SCAPER: variants seen among roughly 807,000 people sequenced by gnomAD.
SCAPER encodes the protein S-phase cyclin A associated protein in the ER.
A neutral mutation model predicts 182.2 loss-of-function variants in SCAPER; 98 were observed. The observed-to-expected ratio is 0.54, with a 90% CI of 0.46 to 0.64. SCAPER has a LOEUF of 0.64. SCAPER is among the 30% of genes least tolerant of loss of function. The pLI is 0.00. For missense variants in SCAPER, 1,432 were observed against 1,690.0 expected (o/e 0.85, Z 2.68); for synonymous variants, 605 against 564.6 (o/e 1.07, Z -1.01).
At chr15:76,349,341 G>A (rs566505548) in intron 31 of SCAPER, 1 of 152,094 alleles carries the variant, frequency 6.6e-6, no homozygotes, top group South Asian at 2.1e-4. Context: ...AAACATGAAT[G>A]TAGTTTTAAG....
chr15:76,548,145 T>C (rs1416344069), intron 23 of SCAPER, among the ~76,000 whole-genome samples: 1 of 152,078 alleles, frequency 6.6e-6, no homozygotes, highest in Non-Finnish European at 1.5e-5. Context: ...AGCTTGCTGC[T>C]AGCGCTCATT....
intron 27 of SCAPER, among the ~76,000 whole-genome samples, chr15:76,396,365 C>T (rs2044056232): frequency 6.6e-6 from 1 of 152,092 alleles, no homozygotes; most frequent in Non-Finnish European, 1.5e-5. Context: ...TGAAGAATGT[C>T]ATCAATGTTT....
intron 25 of SCAPER, among the ~76,000 whole-genome samples, chr15:76,434,893 T>C (rs771139899): frequency 7.9e-5 from 12 of 152,226 alleles, no homozygotes; most frequent in Non-Finnish European, 2.9e-5. Flanking sequence ...CTGCAGTGTA[T>C]GATCTGAGAC....
rs752296614 is a variant in SCAPER at position 76,404,656 on chromosome 15, A to G, written c.3335T>C (p.Ile1112Thr). The G allele has an allele frequency of 6.2e-7, 1 of 1,612,710 alleles. No homozygotes were observed. The highest frequency in any genetic ancestry group is 1.3e-5 in the African/African-American group (1 of 74,904). Residue 1112 changes from isoleucine (I) to threonine (T), a missense_variant, in exon 27 of 32, where the codon ATT (isoleucine) becomes ACT (threonine). Ile to Thr is a moderately conservative substitution (Grantham distance 89). Transcript: ENST00000563290. ...GAGGAAGCAGGCACACAGTTTGTCA[A>G]TCAGACCCATGTTCACCACGTAGCT... ...LISYVVNMGL[I>T]DKLCACFLSV...
chr15:76,843,040 G>A (rs924317044), intron 4 of SCAPER, among the ~76,000 whole-genome samples: 2 of 152,066 alleles, frequency 1.3e-5, no homozygotes, highest in African/African-American at 4.8e-5. Flanking sequence ...GAATCCAGAC[G>A]CTAATCTTAT....
chr15:76,789,852 G>A (rs1433855765), intron 8 of SCAPER, among the ~76,000 whole-genome samples: 1 of 152,262 alleles, frequency 6.6e-6, no homozygotes, highest in East Asian at 1.9e-4. Context: ...AGTAACTGAT[G>A]TGCACCTGGA....
intron 21 of SCAPER, among the ~76,000 whole-genome samples, chr15:76,663,581 A>G (rs1260229332): frequency 1.3e-5 from 2 of 152,152 alleles, no homozygotes; most frequent in Non-Finnish European, 2.9e-5. Flanking sequence ...CAAAAACAGT[A>G]TAATCAGTTA....
At chr15:76,559,414 T>C (rs2145116374) in intron 23 of SCAPER, among the ~76,000 whole-genome samples, 1 of 152,074 alleles carries the variant, frequency 6.6e-6, no homozygotes, top group East Asian at 1.9e-4. Context: ...CTCCTTCCTG[T>C]CGCCTTGTAA....
chr15:76,698,615 A>G (rs987313163), intron 20 of SCAPER, among the ~76,000 whole-genome samples: 3 of 152,196 alleles, frequency 2.0e-5, no homozygotes, highest in Non-Finnish European at 2.9e-5. Context: ...AGAACAGTGC[A>G]AGCAGACAGT....
intron 4 of SCAPER, among the ~76,000 whole-genome samples, chr15:76,853,346 G>A (rs1280490896): frequency 6.6e-6 from 1 of 152,102 alleles, no homozygotes; most frequent in Non-Finnish European, 1.5e-5. Flanking sequence ...GTATCATCCT[G>A]ATACCAAAAT....
At chr15:76,483,034 G>A (rs1427021719) in intron 24 of SCAPER, among the ~76,000 whole-genome samples, 1 of 151,990 alleles carries the variant, frequency 6.6e-6, no homozygotes, top group Non-Finnish European at 1.5e-5. Context: ...ATCCAGAATA[G>A]CCAATATAAT....
intron 1 of SCAPER, among the ~76,000 whole-genome samples, chr15:76,895,139 C>T (rs2074364761): frequency 6.6e-6 from 1 of 152,112 alleles, no homozygotes; most frequent in African/African-American, 2.4e-5. Context: ...CCATAAAATA[C>T]CGGCAAACCA....
rs193004203 is a variant in SCAPER, at chr15:76,686,384, G to T, written c.2508+15374C>A. 3.1e-3 allele frequency among the ~76,000 whole-genome samples: 465 copies of T among 152,068 alleles called. 5 individuals carry two copies. Among genetic ancestry groups the T allele is most frequent in the Non-Finnish European group, 1.6e-3 (111 of 67,894 alleles). ...AATATCACTTTACACCTACTTGATT[G>T]GCAAATGTTAAAAACCCATATAATG... On this transcript the variant is annotated intron_variant, in intron 20 of 31. Transcript: ENST00000563290.
In SCAPER at chr15:76,775,799, G is replaced by A. The variant is rs147556852; in HGVS notation, c.773-682C>T. On this transcript the variant is annotated intron_variant, in intron 8 of 31. Transcript: ENST00000563290. ...ATATACATGGAAACTAAGGGCCTACGTTCAAAGCCACACCAAAATAGCCTA... is the reference window on the plus strand; with the variant it reads ...ATATACATGGAAACTAAGGGCCTACATTCAAAGCCACACCAAAATAGCCTA... Among the ~76,000 whole-genome samples the A allele has an allele frequency of 1.5e-3, 229 of 152,034 alleles. 2 individuals are homozygous for A. The highest frequency in any genetic ancestry group is 4.8e-3 in the African/African-American group (200 of 41,470).
At chr15:76,379,275 G>A (rs1457777219) in intron 28 of SCAPER, among the ~76,000 whole-genome samples, 2 of 151,886 alleles carry the variant, frequency 1.3e-5, no homozygotes, top group Admixed American at 6.6e-5. Flanking sequence ...TAAGAGAGGA[G>A]AGACAGGAGA....
intron 27 of SCAPER, among the ~76,000 whole-genome samples, chr15:76,383,461 C>T (rs2043102131): frequency 6.6e-6 from 1 of 152,180 alleles, no homozygotes; most frequent in Non-Finnish European, 1.5e-5. Flanking sequence ...TCTAAGAATA[C>T]AGCCAAATGA....
chr15:76,741,850 T>C (rs1179176223), intron 15 of SCAPER, among the ~76,000 whole-genome samples: 6 of 152,082 alleles, frequency 3.9e-5, no homozygotes, highest in African/African-American at 1.4e-4. Flanking sequence ...TTCCACTCAA[T>C]ACAAGCACCA....
chr15:76,837,229 G>A lies in SCAPER; in HGVS notation c.393+4505C>T, dbSNP rs775076923. On this transcript the variant is annotated intron_variant, in intron 5 of 31. Coordinates refer to ENST00000563290, the MANE Select transcript of SCAPER (RefSeq NM_020843.4). ...AGCCCCAATTAAAAAATGGGCAAAGGACATGGACACTTCTCAAACAAAGAC... is the reference window on the plus strand; with the variant it reads ...AGCCCCAATTAAAAAATGGGCAAAGAACATGGACACTTCTCAAACAAAGAC... 7.1e-4 allele frequency among the ~76,000 whole-genome samples: 108 copies of A among 152,152 alleles called. 1 individual carries two copies. The highest frequency in any genetic ancestry group is 1.1e-3 in the Non-Finnish European group (75 of 67,988).
At chr15:76,705,859 T>G (rs2059236109) in intron 18 of SCAPER, 44 bp downstream of exon 18, 7 of 1,373,856 alleles carry the variant, frequency 5.1e-6, no homozygotes, top group Non-Finnish European at 6.9e-6. Context: ...CATGCTCCAC[T>G]GTAAGCTCTA....
Sources: allele counts gnomAD v4.1 joint callset (sites outside exome capture counted in the v4.1 genomes callset), GRCh38; gene constraint gnomAD v4.1.1; transcripts MANE v1.5; gene names NCBI Gene and HGNC (gene_info 2026-07-23, HGNC 2026-07-21).